The following ANKFN1 variants were observed in gnomAD, a reference collection of about 807,000 sequenced individuals.
ANKFN1 encodes ankyrin repeat and fibronectin type-III domain-containing protein 1.
Under a neutral mutation model 108.7 loss-of-function variants are expected in ANKFN1, and 74 were observed. The ratio of observed to expected loss-of-function variants is 0.68; its 90% CI spans 0.56 to 0.83. The LOEUF (loss-of-function observed/expected upper bound fraction) is 0.83. Ranked by LOEUF, ANKFN1 falls within the 40% of genes least tolerant of loss-of-function variation. The probability of loss-of-function intolerance (pLI) is 0.00; values close to 1 mark genes in which losing one functional copy is unlikely to be tolerated. For missense variants in ANKFN1, 1,505 were observed against 1,382.3 expected (o/e 1.09, Z -1.41); for synonymous variants, 547 against 516.2 (o/e 1.06, Z -0.81).
rs2145519153 is a variant in ANKFN1 at position 56,515,975 on chromosome 17, T to A, written c.*4706T>A. On this transcript the variant is annotated 3_prime_UTR_variant, in exon 21 of 21. Transcript: ENST00000682825. ...CATAGGGTCTTTCTCCTACAGATTT[T>A]TTTTTATTTTAGCAAAAGCCAATGT... Among the ~76,000 whole-genome samples the A allele has an allele frequency of 6.6e-6, 1 of 152,354 alleles. No homozygotes were observed. Among genetic ancestry groups the A allele is most frequent in the South Asian group, 2.1e-4 (1 of 4,824 alleles).
intron 2 of ANKFN1, among the ~76,000 whole-genome samples, chr17:56,222,537 A>G (rs1915961255): frequency 6.6e-6 from 1 of 152,212 alleles, no homozygotes; most frequent in African/African-American, 2.4e-5. Flanking sequence ...AAGACAAAGG[A>G]CACTAAAAGA....
chr17:56,253,106 G>A (rs142874394), intron 3 of ANKFN1, among the ~76,000 whole-genome samples: 8 of 152,280 alleles, frequency 5.3e-5, no homozygotes, highest in African/African-American at 1.4e-4. Context: ...AGAAAGAAGA[G>A]TGAGGAAAAT....
chr17:56,321,456 C>A (rs1489293792), intron 3 of ANKFN1, among the ~76,000 whole-genome samples: 1 of 143,274 alleles, frequency 7.0e-6, no homozygotes, highest in Non-Finnish European at 1.5e-5. Flanking sequence ...AAAGGCACTC[C>A]CTAAGAAAAA....
At chr17:56,175,574 T>C (rs573598685) in intron 1 of ANKFN1, among the ~76,000 whole-genome samples, 2 of 152,278 alleles carry the variant, frequency 1.3e-5, no homozygotes, top group South Asian at 4.1e-4. Context: ...TCAGAGCCAG[T>C]GAGGCCAGTT....
chr17:56,313,291 C>G (rs2045099867), intron 3 of ANKFN1, among the ~76,000 whole-genome samples: 1 of 152,018 alleles, frequency 6.6e-6, no homozygotes, highest in Non-Finnish European at 1.5e-5. Flanking sequence ...GAAACAGGGA[C>G]AGATGTTTTA....
At chr17:56,099,050 A>G (rs1454638180) in intron 4 of ANKFN1, among the ~76,000 whole-genome samples, 1 of 152,208 alleles carries the variant, frequency 6.6e-6, no homozygotes, top group Non-Finnish European at 1.5e-5. Context: ...GGTTTAGAAC[A>G]GGAGCTGTAA....
Position 56,510,764 on chromosome 17 carries a change from C to A in ANKFN1, c.2936C>A (p.Thr979Lys). Residue 979 changes from threonine to lysine, a missense_variant, in exon 21 of 21, where the codon ACA becomes AAA. Physicochemically the swap from Thr to Lys is moderately conservative, Grantham distance 78 (BLOSUM62 -1). Coordinates refer to ENST00000682825, the MANE Select transcript of ANKFN1 (RefSeq NM_001370326.1). ...CATAGCCTGACCCTCACGGGGTTCA[C>A]ACCCAAGAACCACGCCAAGACTGTG... ...FLHSLTLTGF[T>K]PKNHAKTVSG... is the part of the protein sequence containing the mutation. 6.5e-7 allele frequency: 1 copy of A among 1,536,162 alleles called. No individual in the cohort carries two copies. The highest frequency in any genetic ancestry group is 8.7e-7 in the Non-Finnish European group (1 of 1,146,920).
In ANKFN1 at chr17:56,457,970, A is replaced by G; in HGVS notation, c.1548A>G (p.Ala516=). 2 of 1,613,822 alleles carry G rather than the reference A, an allele frequency of 1.2e-6. No individual in the cohort carries two copies. The change falls in exon 14 of 21, where the codon GCA becomes GCG. Residue 516 remains alanine, a synonymous_variant. Coordinates refer to ENST00000682825, the MANE Select transcript of ANKFN1 (RefSeq NM_001370326.1). ...GGCAGAAGATGCTCGCAGCAACAGC[A>G]CAGCTACAGGTAAGGGACCAGGTTT... ...QTRQKMLAAT[A]QLQNLLGTHN...
intron 4 of ANKFN1, among the ~76,000 whole-genome samples, chr17:56,127,356 C>A (rs540468186): frequency 3.9e-5 from 6 of 152,236 alleles, no homozygotes; most frequent in Non-Finnish European, 8.8e-5. Flanking sequence ...CTCTGTTGCC[C>A]TGACTGGACT....
intron 3 of ANKFN1, among the ~76,000 whole-genome samples, chr17:56,314,000 T>C (rs2045123508): frequency 6.6e-6 from 1 of 152,236 alleles, no homozygotes. Context: ...TTTTCAGTAC[T>C]TGGTCATCAG....
At chr17:56,457,001 A>C in intron 12 of ANKFN1, 41 bp downstream of exon 12, 3 of 1,560,214 alleles carry the variant, frequency 1.9e-6, no homozygotes, top group Non-Finnish European at 2.6e-6. Flanking sequence ...TTAACTTTTC[A>C]AGAATGCACT....
chr17:56,227,032 G>A (rs1916331629), intron 2 of ANKFN1, among the ~76,000 whole-genome samples: 1 of 152,030 alleles, frequency 6.6e-6, no homozygotes, highest in Non-Finnish European at 1.5e-5. Flanking sequence ...GATCAGTGTG[G>A]GTGGTGTGGA....
chr17:56,196,357 A>G (rs901936064), intron 1 of ANKFN1, among the ~76,000 whole-genome samples: 7 of 152,334 alleles, frequency 4.6e-5, no homozygotes, highest in Admixed American at 3.3e-4. Flanking sequence ...TACTCAGTCA[A>G]GTAATTCTAC....
chr17:56,372,784 C>T lies in ANKFN1; in HGVS notation c.740C>T (p.Ala247Val). Residue 247 changes from alanine (A) to valine (V), a missense_variant, in exon 7 of 21, where the codon GCT becomes GTT. By Grantham distance (64) the Ala-to-Val change is moderately conservative. Transcript: ENST00000682825. ...ACAGAGAAAGAGAAGCAGCTGAAAG[C>T]TTGGGAGTGGAGGTATCGGCTCTAC... ...DNTEKEKQLKAWEWRYRLYRR... is the reference protein window; with the variant it reads ...DNTEKEKQLKVWEWRYRLYRR... 1 of 1,614,016 alleles carries T rather than the reference C, an allele frequency of 6.2e-7. No homozygotes were observed. The highest frequency in any genetic ancestry group is 8.5e-7 in the Non-Finnish European group (1 of 1,179,976).
At chr17:56,412,920 T>TA (rs1221697931) in intron 8 of ANKFN1, among the ~76,000 whole-genome samples, 9 of 152,222 alleles carry the variant, frequency 5.9e-5, no homozygotes, top group Non-Finnish European at 1.0e-4. Flanking sequence ...TTTTTCTTTG[T>TA]AAGTCTAAGT....
Position 56,428,462 on chromosome 17 carries a change from CT to C in ANKFN1, c.911-11849del, listed in dbSNP as rs1183827202. Among the ~76,000 whole-genome samples the C allele has an allele frequency of 8.5e-3, 1,136 of 133,226 alleles. 5 individuals are homozygous for C. The highest frequency in any genetic ancestry group is 0.014 in the Non-Finnish European group (868 of 61,680). The allele number at this position is 133,226 out of a possible 152,430, so 87.4% of individuals were successfully genotyped here. On this transcript the variant is annotated intron_variant, in intron 8 of 20. Coordinates refer to ENST00000682825, the MANE Select transcript of ANKFN1 (RefSeq NM_001370326.1). Reference sequence around the variant, plus strand: ...TTTTCAAATAATTGGAGCTTTTTTTCTTTTTTTTTTTTTTTTGAGATGGTGT... The same window carrying C: ...TTTTCAAATAATTGGAGCTTTTTTTCTTTTTTTTTTTTTTTGAGATGGTGT...
chr17:56,269,414 G>C (rs141439141), intron 3 of ANKFN1, among the ~76,000 whole-genome samples: 53 of 152,272 alleles, frequency 3.5e-4, no homozygotes, highest in African/African-American at 1.2e-3. Context: ...GGTAATGGAG[G>C]AGTTGTCACC....
At chr17:56,167,314 CACACATAT>C (rs1487037526) in intron 1 of ANKFN1, among the ~76,000 whole-genome samples, 2 of 69,894 alleles carry the variant, frequency 2.9e-5, no homozygotes, top group East Asian at 8.4e-4. Context: ...TACACACACA[CACACATAT>C]ATATATATAT....
chr17:56,431,728 T>C (rs1192946771), intron 8 of ANKFN1, among the ~76,000 whole-genome samples: 1 of 152,250 alleles, frequency 6.6e-6, no homozygotes, highest in Non-Finnish European at 1.5e-5. Flanking sequence ...CCTTTCTAAA[T>C]GAAGGCTCAG....
Sources: gnomAD v4.1 joint callset for allele counts (sites outside exome capture counted in the v4.1 genomes callset) on GRCh38, gnomAD v4.1.1 for gene constraint, MANE v1.5 for transcripts, NCBI Gene and HGNC (gene_info 2026-07-23, HGNC 2026-07-21) for gene names.